The following CLHC1 variants were observed in gnomAD, a reference collection of about 807,000 sequenced individuals.
CLHC1 encodes the protein clathrin heavy chain linker domain-containing protein 1.
CLHC1 carries 72 observed loss-of-function variants against 69.5 expected under a neutral mutation model. The ratio of observed to expected loss-of-function variants is 1.04; its 90% CI spans 0.86 to 1.26. The LOEUF (loss-of-function observed/expected upper bound fraction) is 1.26, where lower values mean the gene tolerates loss of function less well. CLHC1 is among the 50% of genes most tolerant of loss of function. CLHC1 has a pLI of 0.00. For missense variants in CLHC1, 790 were observed against 679.3 expected (o/e 1.16, Z -1.81); for synonymous variants, 223 against 224.3 (o/e 0.99, Z 0.05).
intron 9 of CLHC1, among the ~76,000 whole-genome samples, chr2:55,183,041 C>A (rs577957266): frequency 6.6e-6 from 1 of 152,326 alleles, no homozygotes; most frequent in South Asian, 2.1e-4. Flanking sequence ...CTAATGACCA[C>A]TGCACCAGTT....
At chr2:55,222,189 T>C (rs777607791) in intron 3 of CLHC1, 46 bp downstream of exon 3, 3 of 1,350,496 alleles carry the variant, frequency 2.2e-6, no homozygotes, top group Non-Finnish European at 3.2e-6. Flanking sequence ...ACATAGATCA[T>C]TGCTATCCTC....
intron 9 of CLHC1, among the ~76,000 whole-genome samples, chr2:55,190,735 A>G (rs902208827): frequency 6.6e-6 from 1 of 152,226 alleles, no homozygotes; most frequent in African/African-American, 2.4e-5. Flanking sequence ...AATGAGCTGT[A>G]GGACAACTTC....
chr2:55,198,988 T>C (rs62135098), intron 9 of CLHC1, among the ~76,000 whole-genome samples: 10,414 of 152,140 alleles, frequency 0.068, 433 homozygotes, highest in Middle Eastern at 0.12. Context: ...ATCAACATCA[T>C]ACTTGTCCCT....
intron 2 of CLHC1, chr2:55,224,098 C>T: frequency 6.0e-6 from 1 of 166,818 alleles, no homozygotes; most frequent in Non-Finnish European, 1.3e-5. Context: ...CCCAGCTGAT[C>T]GTTAACCTTA....
intron 9 of CLHC1, among the ~76,000 whole-genome samples, chr2:55,183,375 G>A (rs546800532): frequency 1.1e-4 from 17 of 152,290 alleles, no homozygotes; most frequent in Admixed American, 1.3e-4. Flanking sequence ...CCCTTTTAAA[G>A]GGCAATGGCG....
intron 9 of CLHC1, 69 bp downstream of exon 9, chr2:55,206,201 T>G (rs753717411): frequency 1.6e-4 from 146 of 910,836 alleles, no homozygotes; most frequent in Non-Finnish European, 2.3e-4. Context: ...GTTTAATGCT[T>G]TTTCTATTTT....
At chr2:55,196,386 C>A (rs1253883272) in intron 9 of CLHC1, among the ~76,000 whole-genome samples, 1 of 152,172 alleles carries the variant, frequency 6.6e-6, no homozygotes, top group East Asian at 1.9e-4. Flanking sequence ...TGCCACCACT[C>A]CCCCAACCCA....
Position 55,217,799 on chromosome 2 carries a change from TA to T in CLHC1, c.365+11del. The T allele has an allele frequency of 6.6e-7, 1 of 1,505,552 alleles. No individual in the cohort carries two copies. Among genetic ancestry groups the T allele is most frequent in the African/African-American group, 1.4e-5 (1 of 69,962 alleles). 93.3% of individuals were successfully genotyped at this position (1,505,552 alleles called of 1,614,324 possible). A position where few individuals can be genotyped will look rare whatever the true frequency, so the allele number is the denominator to read the frequency against. ...AACTACCATCTTTTGGGCTAGTTAC[TA>T]AAATACTTACTTTGCTTCAAGTTGG... On this transcript the variant is annotated intron_variant, in intron 4 of 12. Coordinates refer to ENST00000401408, the MANE Select transcript of CLHC1 (RefSeq NM_152385.4).
In CLHC1 at chr2:55,173,609, G is replaced by A. The variant is rs981849846; in HGVS notation, c.*2181C>T. Among the ~76,000 whole-genome samples, 4 of 152,170 alleles carry A rather than the reference G, an allele frequency of 2.6e-5. No individual in the cohort carries two copies. The highest frequency in any genetic ancestry group is 5.9e-5 in the Non-Finnish European group (4 of 68,032). On this transcript the variant is annotated 3_prime_UTR_variant, in exon 13 of 13. Coordinates refer to ENST00000401408, the MANE Select transcript of CLHC1 (RefSeq NM_152385.4). ...GGTCTAGAATGCAGGTTTCTGTGCTGAGGCCCAGATTATACCTCCTTCAGT... is the reference window on the plus strand; with the variant it reads ...GGTCTAGAATGCAGGTTTCTGTGCTAAGGCCCAGATTATACCTCCTTCAGT...
At position 55,180,566 on chromosome 2, in the gene CLHC1, T is replaced by C; in HGVS notation, c.1328A>G (p.Gln443Arg). ...CTCCATGACCCTATGAGTCTGACCC[T>C]GTTTACACAAGCAAAGAATAGCTTT... is the stretch of plus-strand genomic sequence containing the variant. ...HKKAILCLCK[Q>R]GQTHRVMEYI... Residue 443 changes from glutamine (Q) to arginine (R), a missense_variant, in exon 11 of 13, where the codon CAG (glutamine) becomes CGG (arginine). Transcript: ENST00000401408. 6.2e-7 allele frequency: 1 copy of C among 1,614,144 alleles called. No individual in the cohort carries two copies. The highest frequency in any genetic ancestry group is 8.5e-7 in the Non-Finnish European group (1 of 1,180,004).
intron 3 of CLHC1, among the ~76,000 whole-genome samples, chr2:55,219,681 T>G (rs1487807495): frequency 6.6e-6 from 1 of 152,196 alleles, no homozygotes; most frequent in African/African-American, 2.4e-5. Flanking sequence ...TGGTGGCCTC[T>G]GCAGGCATTT....
intron 9 of CLHC1, 82 bp from the exon 10 acceptor site, chr2:55,181,826 C>T: frequency 9.3e-7 from 1 of 1,069,576 alleles, no homozygotes; most frequent in South Asian, 1.5e-5. Flanking sequence ...TATTTTTGTG[C>T]CTTTGCTTTT....
At chr2:55,215,301 C>G (rs1277043220) in intron 4 of CLHC1, among the ~76,000 whole-genome samples, 1 of 152,100 alleles carries the variant, frequency 6.6e-6, no homozygotes, top group Admixed American at 6.5e-5. Context: ...AAACTCTCAG[C>G]TGTTATTTCT....
chr2:55,218,039 C>T, intron 3 of CLHC1, 41 bp from the exon 4 acceptor site: 1 of 1,079,444 alleles, frequency 9.3e-7, no homozygotes, highest in Non-Finnish European at 1.3e-6. Flanking sequence ...GATTTTTTTT[C>T]TAGGAGGCTA....
At chr2:55,218,180 G>C (rs1673766158) in intron 3 of CLHC1, 182 bp from the exon 4 acceptor site, 5 of 407,508 alleles carry the variant, frequency 1.2e-5, no homozygotes, top group African/African-American at 2.1e-5. Flanking sequence ...CTAAACATGT[G>C]CTCTTTGTGG....
At chr2:55,198,370 G>T (rs1671622091) in intron 9 of CLHC1, among the ~76,000 whole-genome samples, 1 of 152,166 alleles carries the variant, frequency 6.6e-6, no homozygotes, top group Non-Finnish European at 1.5e-5. Context: ...TGGATCACCT[G>T]AGGTCAGGAG....
chr2:55,200,008 G>A (rs777335643), intron 9 of CLHC1, among the ~76,000 whole-genome samples: 6 of 152,038 alleles, frequency 3.9e-5, no homozygotes, highest in Non-Finnish European at 8.8e-5. Context: ...AGGATTACCT[G>A]AACCCAGGAG....
chr2:55,188,257 A>G (rs1338782391), intron 9 of CLHC1, among the ~76,000 whole-genome samples: 3 of 152,178 alleles, frequency 2.0e-5, no homozygotes, highest in Non-Finnish European at 2.9e-5. Context: ...TTGAGGCTGC[A>G]GTGAGCCATG....
At chr2:55,180,743 T>C (rs1486944638) in intron 10 of CLHC1, 31 bp from the exon 11 acceptor site, 4 of 1,584,720 alleles carry the variant, frequency 2.5e-6, no homozygotes, top group Non-Finnish European at 3.5e-6. Context: ...AGACATATGT[T>C]AGAAAATTCC....
Sources: gnomAD v4.1 joint callset for allele counts (sites outside exome capture counted in the v4.1 genomes callset) on GRCh38, gnomAD v4.1.1 for gene constraint, MANE v1.5 for transcripts, NCBI Gene and HGNC (gene_info 2026-07-23, HGNC 2026-07-21) for gene names.